Variants in SEM1 observed in about 807,000 individuals in gnomAD.
SEM1 encodes 26S proteasome complex subunit SEM1.
SEM1 carries 3 observed loss-of-function variants against 12.7 expected under a neutral mutation model. The ratio of observed to expected loss-of-function variants is 0.24; its 90% confidence interval spans 0.11 to 0.61. The LOEUF (loss-of-function observed/expected upper bound fraction) is 0.61. SEM1 is among the 20% of genes least tolerant of loss of function. The pLI is 0.88. For synonymous variants in SEM1, 30 were observed against 27.8 expected (o/e 1.08, Z -0.25); for missense variants, 59 against 81.3 (o/e 0.73, Z 1.06).
At position 96,640,933 on chromosome 7, in the gene SEM1, C is replaced by G. The variant is rs1273992350; in HGVS notation, c.171-18290G>C. Among the ~76,000 whole-genome samples the G allele has an allele frequency of 6.6e-6, 1 of 151,916 alleles. No homozygotes were observed. The highest frequency in any genetic ancestry group is 1.5e-5 in the Non-Finnish European group (1 of 67,944). On this transcript the variant is annotated intron_variant, in intron 2 of 2. Transcript: ENST00000417009. This position sits in a 1 kb window ranked among gnomAD's most constrained non-coding sequence, Gnocchi z 4.0. The stretch of plus-strand genomic sequence containing the variant: ...TTCTTTACAAAAAACTTAGAGTAAT[C>G]TCACACTTGAAGGTTTGAGAAGACT...
intron 2 of SEM1, among the ~76,000 whole-genome samples, chr7:96,608,222 A>G (rs1032019958): frequency 6.6e-6 from 1 of 152,216 alleles, no homozygotes; most frequent in Non-Finnish European, 1.5e-5. Context: ...AGGGAAGTAC[A>G]TAAGCAGAGG....
At chr7:96,639,224 A>T (rs1343667574) in intron 2 of SEM1, among the ~76,000 whole-genome samples, 5 of 151,960 alleles carry the variant, frequency 3.3e-5, no homozygotes, top group African/African-American at 9.7e-5. Flanking sequence ...TGGTCTTTTA[A>T]AAATGAAGTT....
intron 2 of SEM1, among the ~76,000 whole-genome samples, chr7:96,528,719 A>C (rs1051917466): frequency 6.6e-6 from 1 of 152,094 alleles, no homozygotes; most frequent in African/African-American, 2.4e-5. Flanking sequence ...GAAATGCAGA[A>C]TCTCAGACCC....
downstream of SEM1, chr7:96,673,295 T>C (rs7809268): frequency 0.17 from 26,622 of 154,724 alleles, 2,313 homozygotes; most frequent in South Asian, 0.21. Flanking sequence ...TTTATATTTT[T>C]AGTAGAGACA....
chr7:96,589,099 T>A lies in SEM1; in HGVS notation c.171-82401A>T, dbSNP rs531394427. Among the ~76,000 whole-genome samples, 15 of 152,306 alleles carry A rather than the reference T, an allele frequency of 9.8e-5. No homozygotes were observed. In the East Asian group the frequency reaches 2.3e-3, roughly 24 times the overall value. ...TGCCTGCCTGAAGGCTGCACCCAGG[T>A]GTGGGAACCGCACTGCTTAGGGCTT... On this transcript the variant is annotated intron_variant and NMD_transcript_variant, in intron 2 of 3. Coordinates refer to the SEM1 transcript ENST00000466986.
intron 2 of SEM1, among the ~76,000 whole-genome samples, chr7:96,676,497 A>C (rs1211681676): frequency 2.6e-5 from 4 of 152,202 alleles, no homozygotes; most frequent in Admixed American, 6.5e-5. Flanking sequence ...AATATTTAAT[A>C]CTCCATGCTA....
In SEM1 at chr7:96,599,736, C is replaced by T. The variant is rs28623221; in HGVS notation, c.171-93038G>A. ...TGACCCACACGCATCCTGGGGTCAG[C>T]GCCCTGGCCTGTCTTTATGTAGTCA... On this transcript the variant is annotated intron_variant and NMD_transcript_variant, in intron 2 of 3. Transcript: ENST00000466986. Among the ~76,000 whole-genome samples the T allele has an allele frequency of 7.6e-3, 1,155 of 152,254 alleles. 13 individuals carry two copies. The highest frequency in any genetic ancestry group is 0.025 in the African/African-American group (1,057 of 41,536).
At chr7:96,562,116 G>C (rs538554364) in intron 2 of SEM1, among the ~76,000 whole-genome samples, 16 of 152,192 alleles carry the variant, frequency 1.1e-4, no homozygotes, top group African/African-American at 2.6e-4. Flanking sequence ...TCATTTTGTC[G>C]AGTTAAAGTT....
At chr7:96,565,535 C>A (rs777027276) in intron 2 of SEM1, among the ~76,000 whole-genome samples, 30 of 151,800 alleles carry the variant, frequency 2.0e-4, no homozygotes, top group Non-Finnish European at 4.4e-4. Context: ...TTTTTATGTT[C>A]CAGAGATAAA....
At chr7:96,556,012 C>A (rs1480652726) in intron 2 of SEM1, among the ~76,000 whole-genome samples, 6 of 92,560 alleles carry the variant, frequency 6.5e-5, no homozygotes, top group Admixed American at 3.0e-4. Context: ...AGGATTGCAA[C>A]CCCTGCCTTT....
At position 96,667,781 on chromosome 7, in the gene SEM1, C is replaced by A. The variant is rs144682676; in HGVS notation, c.170+27017G>T. On this transcript the variant is annotated intron_variant, in intron 2 of 2. Transcript: ENST00000417009. ...AGTCCCAACGGCCTGAGCTTCCCCA[C>A]AATATACACACCTAATACCACTTGA... is the stretch of plus-strand genomic sequence containing the variant. Among the ~76,000 whole-genome samples, 835 of 152,288 alleles carry A rather than the reference C, an allele frequency of 5.5e-3. 5 individuals carry two copies. Among genetic ancestry groups the A allele is most frequent in the Admixed American group, 8.4e-3 (129 of 15,292 alleles).
intron 2 of SEM1, among the ~76,000 whole-genome samples, chr7:96,572,578 T>C (rs998100434): frequency 2.0e-5 from 3 of 152,208 alleles, no homozygotes; most frequent in African/African-American, 7.2e-5. Flanking sequence ...TCAGTTTTCA[T>C]GTAGTTGTGC....
At chr7:96,552,407 T>C (rs906828431) in intron 2 of SEM1, among the ~76,000 whole-genome samples, 2 of 151,876 alleles carry the variant, frequency 1.3e-5, no homozygotes, top group African/African-American at 4.8e-5. Context: ...GATCTCATTG[T>C]TCAATTCCCA....
At chr7:96,567,661 T>C (rs1281527709) in intron 2 of SEM1, among the ~76,000 whole-genome samples, 1 of 151,578 alleles carries the variant, frequency 6.6e-6, no homozygotes, top group Non-Finnish European at 1.5e-5. Flanking sequence ...ATTAAAAATA[T>C]CTATTTATTA....
Position 96,709,800 on chromosome 7 carries a change from G to A in SEM1, c.-37C>T. 1 of 1,602,782 alleles carries A rather than the reference G, an allele frequency of 6.2e-7. No homozygotes were observed. Among genetic ancestry groups the A allele is most frequent in the South Asian group, 1.1e-5 (1 of 90,744 alleles). ...GCGCCCAACACCTCCCAGATAAGCAGAAAAGTTGGAACCCTCACTCTTCCT... is the reference window on the plus strand; with the variant it reads ...GCGCCCAACACCTCCCAGATAAGCAAAAAAGTTGGAACCCTCACTCTTCCT... On this transcript the variant is annotated 5_prime_UTR_variant, in exon 1 of 3. Coordinates refer to ENST00000248566, the MANE Select transcript of SEM1 (RefSeq NM_006304.2).
intron 2 of SEM1, among the ~76,000 whole-genome samples, chr7:96,587,207 A>G (rs1050171305): frequency 5.9e-5 from 9 of 152,216 alleles, no homozygotes; most frequent in Non-Finnish European, 1.3e-4. Context: ...ATGTTTAGGT[A>G]TGCATTGTAA....
At chr7:96,596,032 T>C (rs1806988932) in intron 2 of SEM1, among the ~76,000 whole-genome samples, 1 of 152,198 alleles carries the variant, frequency 6.6e-6, no homozygotes, top group Admixed American at 6.5e-5. Context: ...AAACTGTTCA[T>C]AGGATGCAGT....
intron 2 of SEM1, among the ~76,000 whole-genome samples, chr7:96,641,461 C>T (rs550455573): frequency 3.3e-4 from 50 of 152,052 alleles, no homozygotes; most frequent in Non-Finnish European, 6.3e-4. Context: ...ATAATGAAAG[C>T]ATGGAAATGG....
At chr7:96,656,739 C>T (rs1360382390) in intron 2 of SEM1, among the ~76,000 whole-genome samples, 1 of 151,860 alleles carries the variant, frequency 6.6e-6, no homozygotes, top group Non-Finnish European at 1.5e-5. Context: ...AAAATGTCTG[C>T]AAATGAGAAT....
Sources: allele counts gnomAD v4.1 joint callset (sites outside exome capture counted in the v4.1 genomes callset), GRCh38; gene constraint gnomAD v4.1.1; non-coding constraint Gnocchi (gnomAD v3.1); transcripts MANE v1.5; gene names NCBI Gene and HGNC (gene_info 2026-07-23, HGNC 2026-07-21).